FMN1: variants seen among roughly 807,000 people sequenced by gnomAD.
The protein encoded by FMN1 is formin-1.
FMN1 carries 110 observed loss-of-function variants against 132.4 expected under a neutral mutation model. The ratio of observed to expected loss-of-function variants is 0.83; its 90% CI spans 0.71 to 0.97. The LOEUF (loss-of-function observed/expected upper bound fraction) is 0.97, where lower values mean the gene tolerates loss of function less well. Ranked by LOEUF, FMN1 falls within the 50% of genes least tolerant of loss-of-function variation. The pLI, the probability that FMN1 is intolerant of heterozygous loss-of-function variation, is 0.00. For missense variants in FMN1, 1,792 were observed against 1,705.3 expected, an observed-to-expected ratio of 1.05 and a Z score of -0.90; for synonymous variants, 722 against 651.7, an observed-to-expected ratio of 1.11 and a Z score of -1.64.
At chr15:33,139,702 G>A (rs1273935265) in intron 4 of FMN1, among the ~76,000 whole-genome samples, 1 of 152,224 alleles carries the variant, frequency 6.6e-6, no homozygotes, top group Admixed American at 6.5e-5. Context: ...GGAACAGAAT[G>A]TGGAAGAAAG....
At chr15:32,789,982 C>T (rs527574976) in intron 19 of FMN1, among the ~76,000 whole-genome samples, 131 of 152,248 alleles carry the variant, frequency 8.6e-4, no homozygotes, top group African/African-American at 3.0e-3. Flanking sequence ...CTATAATGTT[C>T]GCACAATGAT....
intron 17 of FMN1, among the ~76,000 whole-genome samples, chr15:32,808,773 C>T (rs2057768946): frequency 6.6e-6 from 1 of 152,192 alleles, no homozygotes; most frequent in Non-Finnish European, 1.5e-5. Flanking sequence ...GTAGTCACTA[C>T]TCTAGCTTTC....
chr15:33,000,972 G>A (rs1436541660), intron 7 of FMN1, among the ~76,000 whole-genome samples: 1 of 152,176 alleles, frequency 6.6e-6, no homozygotes, highest in Non-Finnish European at 1.5e-5. Context: ...GAAGATCACA[G>A]ACAAGTCACC....
At chr15:32,911,273 C>A (rs145520588) in intron 10 of FMN1, among the ~76,000 whole-genome samples, 1 of 152,128 alleles carries the variant, frequency 6.6e-6, no homozygotes, top group Admixed American at 6.6e-5. Context: ...ATTTGGCTAT[C>A]GAAGTGTTTG....
At chr15:33,089,119 C>A in intron 4 of FMN1, 145 bp from the exon 5 acceptor site, 1 of 697,390 alleles carries the variant, frequency 1.4e-6, no homozygotes, top group Non-Finnish European at 2.3e-6. Context: ...GACTGCTTTC[C>A]TTTAAAAGTA....
intron 9 of FMN1, among the ~76,000 whole-genome samples, chr15:32,954,087 A>C (rs533760980): frequency 9.2e-5 from 14 of 152,282 alleles, no homozygotes; most frequent in Admixed American, 8.5e-4. Flanking sequence ...AACTACAACA[A>C]CTAATAGTTA....
rs924633355 is a variant in FMN1 at position 32,768,787 on chromosome 15, A to G, written c.*5523T>C. The G allele has an allele frequency of 2.0e-5, 3 of 152,244 alleles. No homozygotes were observed. The highest frequency in any genetic ancestry group is 2.9e-5 in the Non-Finnish European group (2 of 68,040). 9.4% of individuals were successfully genotyped at this position (152,244 alleles called of 1,614,324 possible). A position where few individuals can be genotyped will look rare whatever the true frequency, so the allele number is the denominator to read the frequency against. ...TCTCAGTATATTTAAGAGAAGATTT[A>G]AAAATAGAAAATTACATAAGCGTAG... On this transcript the variant is annotated 3_prime_UTR_variant, in exon 21 of 21. Coordinates refer to ENST00000616417, the MANE Select transcript of FMN1 (RefSeq NM_001277313.2).
intron 6 of FMN1, among the ~76,000 whole-genome samples, chr15:33,044,488 G>A (rs1437858504): frequency 1.3e-5 from 2 of 152,156 alleles, no homozygotes; most frequent in African/African-American, 4.8e-5. Context: ...CTCAAAAAGG[G>A]ACAACAGGAC....
chr15:33,152,957 G>C, intron 4 of FMN1, 91 bp downstream of exon 4: 1 of 1,323,246 alleles, frequency 7.6e-7, no homozygotes, highest in Non-Finnish European at 1.0e-6. Context: ...TTGGTCCATT[G>C]TTAATCAGTC....
chr15:33,147,480 A>C (rs190114121), intron 4 of FMN1, among the ~76,000 whole-genome samples: 1 of 152,372 alleles, frequency 6.6e-6, no homozygotes, highest in East Asian at 1.9e-4. Context: ...AAGGCTGTGC[A>C]TATAGCCAAA....
chr15:32,832,329 A>G (rs775625206), intron 17 of FMN1, among the ~76,000 whole-genome samples: 1 of 152,220 alleles, frequency 6.6e-6, no homozygotes, highest in African/African-American at 2.4e-5. Context: ...ATAAAATACT[A>G]TATGCCTGCC....
Position 32,801,084 on chromosome 15 carries a change from T to G in FMN1, c.3981-2131A>C, listed in dbSNP as rs75900361. ...CATGGAACACCTGACACCTCTGGCA[T>G]CACCTGGAGTCTAGATTGTGAGATC... On this transcript the variant is annotated intron_variant, in intron 18 of 20. Transcript: ENST00000616417. Among the ~76,000 whole-genome samples the G allele has an allele frequency of 1.4e-3, 219 of 152,332 alleles. 2 individuals carry two copies. Among genetic ancestry groups the G allele is most frequent in the African/African-American group, 5.2e-3 (215 of 41,584 alleles).
chr15:32,812,140 G>C (rs2057904942), intron 17 of FMN1, among the ~76,000 whole-genome samples: 1 of 152,178 alleles, frequency 6.6e-6, no homozygotes, highest in African/African-American at 2.4e-5. Flanking sequence ...AAAAGGATTT[G>C]AGAAGCTATT....
At chr15:33,069,048 T>C (rs1326850866) in intron 5 of FMN1, among the ~76,000 whole-genome samples, 1 of 152,114 alleles carries the variant, frequency 6.6e-6, no homozygotes, top group Non-Finnish European at 1.5e-5. Context: ...ACAAAACAAT[T>C]TGAAGATCCC....
In FMN1 at chr15:33,070,007, T is replaced by C. The variant is rs1415688823; in HGVS notation, c.2044-4933A>G. Among the ~76,000 whole-genome samples, 98 of 137,566 alleles carry C rather than the reference T, an allele frequency of 7.1e-4. 2 individuals carry two copies. The highest frequency in any genetic ancestry group is 2.4e-3 in the African/African-American group (87 of 36,992). 90.2% of individuals were successfully genotyped at this position (137,566 alleles called of 152,430 possible). A position where few individuals can be genotyped will look rare whatever the true frequency, so the allele number is the denominator to read the frequency against. On this transcript the variant is annotated intron_variant, in intron 5 of 20. Transcript: ENST00000616417. Reference sequence around the variant, plus strand: ...TCAGTCTTTCTCTTTTTTTTTTTTTTTTTTTTTTTTTTTTTGAGACCGAGT... The same window carrying C: ...TCAGTCTTTCTCTTTTTTTTTTTTTCTTTTTTTTTTTTTTTGAGACCGAGT...
intron 6 of FMN1, among the ~76,000 whole-genome samples, chr15:33,018,818 T>G (rs345835): frequency 0.87 from 131,828 of 152,132 alleles, 57,796 homozygotes; most frequent in Non-Finnish European, 0.93. Context: ...CTTCAGTGAA[T>G]CTGCATACCT....
At chr15:32,815,988 G>A (rs780623503) in intron 17 of FMN1, among the ~76,000 whole-genome samples, 7 of 152,170 alleles carry the variant, frequency 4.6e-5, no homozygotes, top group East Asian at 1.9e-4. Flanking sequence ...GCCTACATTC[G>A]ACAGCTGTAG....
In FMN1 at chr15:33,012,463, G is replaced by A. The variant is rs141770847; in HGVS notation, c.2162-4388C>T. 1.7e-3 allele frequency: 1,894 copies of A among 1,097,526 alleles called. 19 individuals carry two copies. In the African/African-American group the frequency reaches 0.026, roughly 15 times the overall value. 68.0% of individuals were successfully genotyped at this position (1,097,526 alleles called of 1,614,324 possible). On this transcript the variant is annotated intron_variant, in intron 6 of 20. Coordinates refer to ENST00000616417, the MANE Select transcript of FMN1 (RefSeq NM_001277313.2). ...TGTTGCTGGCATTAAAGAAGACACAGAAGAACATCACCTAAGAGATTATTT... is the reference window on the plus strand; with the variant it reads ...TGTTGCTGGCATTAAAGAAGACACAAAAGAACATCACCTAAGAGATTATTT...
At chr15:33,100,053 T>C (rs1340779369) in intron 4 of FMN1, among the ~76,000 whole-genome samples, 1 of 152,100 alleles carries the variant, frequency 6.6e-6, no homozygotes, top group Non-Finnish European at 1.5e-5. Context: ...ATGCTTCCAG[T>C]AGGGAACTTA....
Sources: allele counts gnomAD v4.1 joint callset (sites outside exome capture counted in the v4.1 genomes callset), GRCh38; gene constraint gnomAD v4.1.1; transcripts MANE v1.5; gene names NCBI Gene and HGNC (gene_info 2026-07-23, HGNC 2026-07-21).